RUNDC3B: variants seen among roughly 807,000 people sequenced by gnomAD.
RUNDC3B encodes RUN domain-containing protein 3B.
Under a neutral mutation model 58.4 loss-of-function variants are expected in RUNDC3B, and 33 were observed. The ratio of observed to expected loss-of-function variants is 0.56; its 90% CI spans 0.43 to 0.75. The LOEUF (loss-of-function observed/expected upper bound fraction) is 0.75, where lower values mean the gene tolerates loss of function less well. Among genes scored for constraint, RUNDC3B ranks in the 30% least tolerant of loss-of-function variants. The pLI is 0.00. For synonymous variants in RUNDC3B, 193 were observed against 195.2 expected, an observed-to-expected ratio of 0.99 and a Z score of 0.10; for missense variants, 501 against 535.7, an observed-to-expected ratio of 0.94 and a Z score of 0.64.
chr7:87,631,016 T>C (rs952585352), intron 1 of RUNDC3B, among the ~76,000 whole-genome samples: 2 of 152,244 alleles, frequency 1.3e-5, no homozygotes, highest in Non-Finnish European at 2.9e-5. Context: ...GTGAAATGAA[T>C]ATGTGCTAAC....
intron 8 of RUNDC3B, among the ~76,000 whole-genome samples, chr7:87,781,373 T>C (rs1026877503): frequency 1.3e-5 from 2 of 149,964 alleles, no homozygotes; most frequent in Admixed American, 6.6e-5. Context: ...TCTTCAGTTC[T>C]AGGAGCCTGC....
intron 7 of RUNDC3B, among the ~76,000 whole-genome samples, chr7:87,774,565 A>G (rs1297634241): frequency 6.6e-6 from 1 of 152,216 alleles, no homozygotes; most frequent in Non-Finnish European, 1.5e-5. Context: ...AACTCTCCCA[A>G]TAATTATTAG....
intron 7 of RUNDC3B, among the ~76,000 whole-genome samples, chr7:87,775,360 A>T (rs150053513): frequency 1.3e-5 from 2 of 152,268 alleles, no homozygotes; most frequent in Non-Finnish European, 2.9e-5. Flanking sequence ...TAAGGATGTT[A>T]AAAAGAAAAT....
intron 2 of RUNDC3B, among the ~76,000 whole-genome samples, chr7:87,659,628 G>A (rs1037691405): frequency 2.6e-5 from 4 of 152,184 alleles, no homozygotes; most frequent in African/African-American, 9.6e-5. Context: ...CAAGTTTGTT[G>A]TTCCTGTATT....
intron 7 of RUNDC3B, among the ~76,000 whole-genome samples, chr7:87,773,774 T>G (rs1834451097): frequency 6.6e-6 from 1 of 152,012 alleles, no homozygotes; most frequent in Non-Finnish European, 1.5e-5. Flanking sequence ...ACCTCCTGGG[T>G]TCAAGTGATT....
At chr7:87,752,093 G>A (rs1189844426) in intron 6 of RUNDC3B, among the ~76,000 whole-genome samples, 1 of 152,162 alleles carries the variant, frequency 6.6e-6, no homozygotes, top group Non-Finnish European at 1.5e-5. Flanking sequence ...AAGCGTTGTT[G>A]AATTTTGTCA....
intron 8 of RUNDC3B, among the ~76,000 whole-genome samples, chr7:87,802,383 AC>A (rs1358791723): frequency 2.0e-5 from 3 of 152,078 alleles, no homozygotes; most frequent in African/African-American, 7.2e-5. Flanking sequence ...CGACAGAGCA[AC>A]CCTGTCTCAA....
chr7:87,805,153 A>G (rs1485863979), intron 8 of RUNDC3B, among the ~76,000 whole-genome samples: 3 of 152,198 alleles, frequency 2.0e-5, no homozygotes, highest in African/African-American at 7.2e-5. Flanking sequence ...TTGCTGGTAC[A>G]TTCTGTTCAG....
intron 4 of RUNDC3B, among the ~76,000 whole-genome samples, chr7:87,715,494 T>A (rs1324803789): frequency 7.4e-6 from 1 of 135,772 alleles, no homozygotes; most frequent in African/African-American, 2.7e-5. Context: ...ATAATACATA[T>A]AATTATATTA....
chr7:87,765,412 A>G (rs1055962572), intron 6 of RUNDC3B, among the ~76,000 whole-genome samples: 1 of 151,792 alleles, frequency 6.6e-6, no homozygotes. Context: ...AGATCTTTCT[A>G]TCTTTTTGAT....
intron 6 of RUNDC3B, among the ~76,000 whole-genome samples, chr7:87,752,277 C>T (rs528635836): frequency 6.6e-6 from 1 of 152,236 alleles, no homozygotes; most frequent in Non-Finnish European, 1.5e-5. Context: ...TTCTGTTTGC[C>T]AGTATTTTAT....
intron 7 of RUNDC3B, among the ~76,000 whole-genome samples, chr7:87,771,289 T>A (rs1049972391): frequency 2.0e-5 from 3 of 151,940 alleles, no homozygotes; most frequent in African/African-American, 7.2e-5. Context: ...GAAAGCCCAA[T>A]GGAATTAGTG....
At chr7:87,642,752 T>C (rs1263322771) in intron 1 of RUNDC3B, among the ~76,000 whole-genome samples, 1 of 152,138 alleles carries the variant, frequency 6.6e-6, no homozygotes, top group Non-Finnish European at 1.5e-5. Flanking sequence ...TTTTTATGTT[T>C]GGCAATCTGC....
intron 2 of RUNDC3B, among the ~76,000 whole-genome samples, chr7:87,653,987 A>G (rs912114791): frequency 1.3e-5 from 2 of 152,064 alleles, no homozygotes; most frequent in Admixed American, 1.3e-4. Flanking sequence ...ACTATAGCTT[A>G]TATTTTATTT....
At chr7:87,671,773 C>T (rs1324650728) in intron 2 of RUNDC3B, among the ~76,000 whole-genome samples, 1 of 152,200 alleles carries the variant, frequency 6.6e-6, no homozygotes, top group Non-Finnish European at 1.5e-5. Context: ...TGGAGGTCCA[C>T]TTCAGCCCCC....
intron 6 of RUNDC3B, among the ~76,000 whole-genome samples, chr7:87,753,150 G>A (rs1349867112): frequency 6.6e-6 from 1 of 151,478 alleles, no homozygotes; most frequent in Non-Finnish European, 1.5e-5. Flanking sequence ...TCATTCAGGA[G>A]CAGGTTGTTC....
In RUNDC3B at chr7:87,785,489, C is replaced by T. The variant is rs553640528; in HGVS notation, c.956+7534C>T. ...GGGCCTGCAGCTTTGTCCTCTGGCC[C>T]CATAGGGTTGAACACCAGCTGTGCT... On this transcript the variant is annotated intron_variant, in intron 8 of 10. Coordinates refer to ENST00000394654, the MANE Select transcript of RUNDC3B (RefSeq NM_001134405.2). Among the ~76,000 whole-genome samples the T allele has an allele frequency of 4.6e-5, 7 of 152,302 alleles. No homozygotes were observed. The South Asian group carries it at 1.4e-3, about 32-fold the overall frequency.
Position 87,816,242 on chromosome 7 carries a change from C to T in RUNDC3B, c.1205C>T (p.Thr402Ile), listed in dbSNP as rs771119396. The T allele has an allele frequency of 1.9e-6, 3 of 1,610,898 alleles. No individual in the cohort carries two copies. The highest frequency in any genetic ancestry group is 2.5e-6 in the Non-Finnish European group (3 of 1,177,894). Residue 402 changes from threonine to isoleucine, a missense_variant, in exon 10 of 11, where the codon ACA (threonine) becomes ATA (isoleucine). Coordinates refer to ENST00000394654, the MANE Select transcript of RUNDC3B (RefSeq NM_001134405.2). ...CAAGAAGGAGATGGAAAACAAGACA[C>T]ATTAAATGTAATGAGTGAAGGTAAG... The part of the protein sequence containing the change: ...QSQEGDGKQD[T>I]LNVMSEGKED...
intron 7 of RUNDC3B, 47 bp from the exon 8 acceptor site, chr7:87,777,751 T>C (rs758287130): frequency 6.7e-7 from 1 of 1,499,256 alleles, no homozygotes; most frequent in African/African-American, 1.4e-5. Context: ...TCAGGATATG[T>C]ATTAGAATTT....
Sources: gnomAD v4.1 joint callset for allele counts (sites outside exome capture counted in the v4.1 genomes callset) on GRCh38, gnomAD v4.1.1 for gene constraint, MANE v1.5 for transcripts, NCBI Gene and HGNC (gene_info 2026-07-23, HGNC 2026-07-21) for gene names.